Variants in TRIO observed in about 807,000 individuals in gnomAD.
TRIO encodes triple functional domain protein.
TRIO carries 58 observed loss-of-function variants against 351.9 expected under a neutral mutation model. The ratio of observed to expected loss-of-function variants is 0.16; its 90% CI spans 0.13 to 0.21. The LOEUF (loss-of-function observed/expected upper bound fraction) is 0.21. Ranked by LOEUF, TRIO falls within the 10% of genes least tolerant of loss-of-function variation. TRIO has a pLI of 1.00. For missense variants in TRIO, 3,201 were observed against 4,027.8 expected (o/e 0.79, Z 5.56); for synonymous variants, 1,758 against 1,595.7 (o/e 1.10, Z -2.42).
chr5:14,249,915 C>T (rs955157871), intron 1 of TRIO, among the ~76,000 whole-genome samples: 1 of 152,180 alleles, frequency 6.6e-6, no homozygotes, highest in African/African-American at 2.4e-5. Flanking sequence ...TGCTGATTTT[C>T]ATACCAAGTT....
chr5:14,215,358 T>A (rs1331693907), intron 1 of TRIO, among the ~76,000 whole-genome samples: 1 of 152,216 alleles, frequency 6.6e-6, no homozygotes, highest in Non-Finnish European at 1.5e-5. Flanking sequence ...ACTGTTAGTG[T>A]TTATTGGTGT....
intron 1 of TRIO, among the ~76,000 whole-genome samples, chr5:14,267,984 T>C (rs539505195): frequency 6.6e-6 from 1 of 152,386 alleles, no homozygotes; most frequent in South Asian, 2.1e-4. Flanking sequence ...TATATTCTGG[T>C]CTATGCGTGG....
chr5:14,329,563 G>C (rs1740715568), intron 9 of TRIO, among the ~76,000 whole-genome samples: 1 of 152,188 alleles, frequency 6.6e-6, no homozygotes, highest in Admixed American at 6.5e-5. Flanking sequence ...CATTTCTGTT[G>C]TTTATAAATT....
chr5:14,460,588 A>G (rs527931433), intron 34 of TRIO, among the ~76,000 whole-genome samples: 6 of 152,386 alleles, frequency 3.9e-5, no homozygotes, highest in East Asian at 3.9e-4. Context: ...TGGCATAGCT[A>G]AAACTTCTCA....
intron 1 of TRIO, among the ~76,000 whole-genome samples, chr5:14,154,283 T>TGAC (rs1385773747): frequency 2.0e-5 from 3 of 152,122 alleles, no homozygotes; most frequent in Admixed American, 2.0e-4. Flanking sequence ...TTGCTGTGTG[T>TGAC]GACACATTAG....
intron 1 of TRIO, among the ~76,000 whole-genome samples, chr5:14,153,423 A>C (rs1287896143): frequency 1.3e-5 from 2 of 152,176 alleles, no homozygotes; most frequent in African/African-American, 2.4e-5. Flanking sequence ...TACTGTGTTT[A>C]TTTCTTTTTC....
chr5:14,429,206 G>A (rs1750895576), intron 34 of TRIO, among the ~76,000 whole-genome samples: 4 of 152,166 alleles, frequency 2.6e-5, no homozygotes, highest in Admixed American at 1.3e-4. Context: ...CGCAGGGTGG[G>A]TCTAAACTTG....
chr5:14,465,820 A>G (rs1579738241), intron 37 of TRIO, 180 bp downstream of exon 37: 1 of 637,564 alleles, frequency 1.6e-6, no homozygotes. Context: ...CAGAGAACTC[A>G]GGAAAGCCAT....
intron 1 of TRIO, among the ~76,000 whole-genome samples, chr5:14,146,721 G>C (rs1787543820): frequency 2.0e-5 from 3 of 152,164 alleles, no homozygotes; most frequent in Admixed American, 2.0e-4. Flanking sequence ...AGATGACCTT[G>C]GGGCTGTTCC....
In TRIO at chr5:14,485,183, G is replaced by A. The variant is rs1755828784; in HGVS notation, c.6772G>A (p.Val2258Ile). ...CATTTTGCATTCATCTAGTCCAAGT[G>A]TCCGGCAAACTTGGATCCATGAAAT... ...TFILHSSSPSVRQTWIHEINQ... is the reference protein window; with the variant it reads ...TFILHSSSPSIRQTWIHEINQ... The change falls in exon 47 of 57, where the codon GTC becomes ATC. Residue 2258 changes from valine to isoleucine, a missense_variant. By Grantham distance (29) the Val-to-Ile change is conservative. Coordinates refer to ENST00000344204, the MANE Select transcript of TRIO (RefSeq NM_007118.4). The A allele has an allele frequency of 1.3e-6, 2 of 1,588,732 alleles. No homozygotes were observed. Among genetic ancestry groups the A allele is most frequent in the African/African-American group, 1.3e-5 (1 of 74,494 alleles).
intron 5 of TRIO, among the ~76,000 whole-genome samples, chr5:14,292,268 G>A (rs1736981406): frequency 6.6e-6 from 1 of 152,182 alleles, no homozygotes. Context: ...TTTGTTTTAA[G>A]TAGCACCTTG....
chr5:14,282,752 A>G (rs1311299757), intron 3 of TRIO, among the ~76,000 whole-genome samples: 2 of 152,178 alleles, frequency 1.3e-5, no homozygotes, highest in Non-Finnish European at 2.9e-5. Flanking sequence ...ATGTCATTCA[A>G]AAATACTTGA....
chr5:14,371,848 C>T (rs1039912520), intron 18 of TRIO, among the ~76,000 whole-genome samples: 2 of 151,844 alleles, frequency 1.3e-5, no homozygotes, highest in Non-Finnish European at 2.9e-5. Context: ...CCTTATGTTG[C>T]CCAGCCTGGT....
chr5:14,180,430 G>A (rs1428288927), intron 1 of TRIO, among the ~76,000 whole-genome samples: 2 of 152,160 alleles, frequency 1.3e-5, no homozygotes, highest in Non-Finnish European at 1.5e-5. Flanking sequence ...AATAAATAAG[G>A]ATTGTTTGCC....
intron 1 of TRIO, among the ~76,000 whole-genome samples, chr5:14,240,345 AAAGG>A (rs1328023297): frequency 6.6e-6 from 1 of 152,044 alleles, no homozygotes; most frequent in African/African-American, 2.4e-5. Context: ...CAGTGGGGAT[AAAGG>A]AAGAAAAGGG....
At chr5:14,410,141 T>C (rs1342567028) in intron 33 of TRIO, among the ~76,000 whole-genome samples, 3 of 152,164 alleles carry the variant, frequency 2.0e-5, no homozygotes, top group Non-Finnish European at 4.4e-5. Flanking sequence ...GGTGTCTTAC[T>C]CCGTTCTGGA....
intron 33 of TRIO, among the ~76,000 whole-genome samples, chr5:14,414,213 C>A (rs367685191): frequency 6.6e-6 from 1 of 152,218 alleles, no homozygotes; most frequent in Non-Finnish European, 1.5e-5. Flanking sequence ...TTACCTGCCA[C>A]GCCACAGGGC....
intron 7 of TRIO, among the ~76,000 whole-genome samples, chr5:14,298,835 C>G (rs1162584223): frequency 6.6e-6 from 1 of 152,092 alleles, no homozygotes; most frequent in Non-Finnish European, 1.5e-5. Context: ...GACAAAAGCC[C>G]ACACACAAAA....
chr5:14,486,626 G>T (rs1449882115), intron 47 of TRIO, among the ~76,000 whole-genome samples: 1 of 152,186 alleles, frequency 6.6e-6, no homozygotes, highest in Non-Finnish European at 1.5e-5. Flanking sequence ...ACTGCCCCCA[G>T]ATTGCACGCA....
Sources: gnomAD v4.1 joint callset for allele counts (sites outside exome capture counted in the v4.1 genomes callset) on GRCh38, gnomAD v4.1.1 for gene constraint, MANE v1.5 for transcripts, NCBI Gene and HGNC (gene_info 2026-07-23, HGNC 2026-07-21) for gene names.